LMOD3: variants seen among roughly 807,000 people sequenced by gnomAD.
LMOD3 encodes the protein leiomodin 3, also known as leiomodin-3.
A neutral mutation model predicts 41.8 loss-of-function variants in LMOD3; 31 were observed. The observed-to-expected ratio is 0.74, with a 90% CI of 0.56 to 1.00. The LOEUF (loss-of-function observed/expected upper bound fraction) is 1.00. LMOD3 is among the 50% of genes least tolerant of loss of function. The pLI, the probability that LMOD3 is intolerant of heterozygous loss-of-function variation, is 0.00. For synonymous variants in LMOD3, 292 were observed against 241.9 expected (o/e 1.21, Z -1.92); for missense variants, 755 against 679.5 (o/e 1.11, Z -1.23).
intron 1 of LMOD3, 61 bp downstream of exon 1, chr3:69,122,032 G>A (rs1202947131): frequency 3.6e-6 from 5 of 1,374,086 alleles, no homozygotes; most frequent in Non-Finnish European, 5.0e-6. Context: ...AGTTACAACA[G>A]AGAGACCTAA....
In LMOD3 at chr3:69,109,090, G is replaced by A. The variant is rs1305895031; in HGVS notation, c.*5C>T. 1.3e-6 allele frequency: 2 copies of A among 1,598,570 alleles called. No homozygotes were observed. The highest frequency in any genetic ancestry group is 1.3e-5 in the African/African-American group (1 of 74,858). On this transcript the variant is annotated 3_prime_UTR_variant, in exon 3 of 3. Transcript: ENST00000420581. ...TCTTGTTCTTCTAGATGGCTCTGTT[G>A]CCTCTTACGCCAGTTCTTTTGGCAG...
chr3:69,115,518 A>ACACAC (rs60726229), intron 2 of LMOD3, among the ~76,000 whole-genome samples: 1 of 150,744 alleles, frequency 6.6e-6, no homozygotes, highest in South Asian at 2.1e-4. Flanking sequence ...ACACACACAC[A>ACACAC]AAACTTTTCT....
rs116440123 is a variant in LMOD3 at position 69,118,862 on chromosome 3, C to T, written c.1493G>A (p.Arg498Gln). The change falls in exon 2 of 3, where the codon CGG (arginine) becomes CAG (glutamine). Residue 498 changes from arginine to glutamine, a missense_variant. Transcript: ENST00000420581. Reference protein sequence around the residue: ...VKLKRIQRKSRMPEAREPPEK... With the variant: ...VKLKRIQRKSQMPEAREPPEK... ...GGGTGGTTCTCTGGCTTCCGGCATCCGAGATTTGCGCTGGATTCTCTTCAG... is the reference window on the plus strand; with the variant it reads ...GGGTGGTTCTCTGGCTTCCGGCATCTGAGATTTGCGCTGGATTCTCTTCAG... 1,449 of 1,610,134 alleles carry T rather than the reference C, an allele frequency of 9.0e-4. 17 individuals carry two copies. In the African/African-American group the frequency reaches 0.016, roughly 18 times the overall value.
In LMOD3 at chr3:69,106,370, C is replaced by G. The variant is rs2092322711; in HGVS notation, c.*2725G>C. ...GGAGAAACTAATAAAAAAAAAGATACCTGTAATTACTAATGGCCAGTAGTC... is the reference window on the plus strand; with the variant it reads ...GGAGAAACTAATAAAAAAAAAGATAGCTGTAATTACTAATGGCCAGTAGTC... On this transcript the variant is annotated 3_prime_UTR_variant, in exon 3 of 3. Transcript: ENST00000420581. 6.6e-6 allele frequency among the ~76,000 whole-genome samples: 1 copy of G among 152,012 alleles called. No homozygotes were observed. The highest frequency in any genetic ancestry group is 1.5e-5 in the Non-Finnish European group (1 of 67,996).
intron 2 of LMOD3, among the ~76,000 whole-genome samples, chr3:69,111,378 G>T (rs939214917): frequency 2.6e-5 from 4 of 152,142 alleles, no homozygotes; most frequent in African/African-American, 9.7e-5. Context: ...CACCCTGCAG[G>T]GCTCTCCCAT....
At chr3:69,112,643 A>C (rs1285746752) in intron 2 of LMOD3, among the ~76,000 whole-genome samples, 1 of 152,234 alleles carries the variant, frequency 6.6e-6, no homozygotes, top group Non-Finnish European at 1.5e-5. Flanking sequence ...AGAGGCAAGA[A>C]AGCAAGGCCC....
rs1332897476 is a variant in LMOD3 at position 69,106,858 on chromosome 3, G to GTTTTTT, written c.*2236_*2237insAAAAAA. On this transcript the variant is annotated 3_prime_UTR_variant, in exon 3 of 3. Coordinates refer to ENST00000420581, the MANE Select transcript of LMOD3 (RefSeq NM_198271.5). Reference sequence around the variant, plus strand: ...TGAGCTACCATGCCTGGCTAATTTTGTATTTTTTTTTTTTTTTTTTTTTTT... The same window carrying GTTTTTT: ...TGAGCTACCATGCCTGGCTAATTTTGTTTTTTTATTTTTTTTTTTTTTTTTTTTTTT... The GTTTTTT allele has an allele frequency of 1.2e-5, 1 of 81,080 alleles. No homozygotes were observed. Among genetic ancestry groups the GTTTTTT allele is most frequent in the African/African-American group, 5.9e-5 (1 of 16,922 alleles). 5.0% of individuals were successfully genotyped at this position (81,080 alleles called of 1,614,324 possible). A position where few individuals can be genotyped will look rare whatever the true frequency, so the allele number is the denominator to read the frequency against.
Position 69,109,592 on chromosome 3 carries a change from A to G in LMOD3, c.1657-471T>C, listed in dbSNP as rs151264075. ...TTCCAGGCTGGAGTGCAGTGACACC[A>G]TCTTGGCTCACTGCAACCTCCAACT... On this transcript the variant is annotated intron_variant, in intron 2 of 2. Transcript: ENST00000420581. Among the ~76,000 whole-genome samples, 567 of 133,336 alleles carry G rather than the reference A, an allele frequency of 4.3e-3. 5 individuals are homozygous for G. Among genetic ancestry groups the G allele is most frequent in the African/African-American group, 0.016 (541 of 33,860 alleles). 87.5% of individuals were successfully genotyped at this position (133,336 alleles called of 152,430 possible).
rs560994239 is a variant in LMOD3 at position 69,119,715 on chromosome 3, A to C, written c.640T>G (p.Ser214Ala). 1.3e-5 allele frequency: 21 copies of C among 1,613,810 alleles called. No individual in the cohort carries two copies. The African/African-American group carries it at 2.0e-4, about 15-fold the overall frequency. The change falls in exon 2 of 3, where the codon TCG becomes GCG. Residue 214 changes from serine (S) to alanine (A), a missense_variant. By Grantham distance (99) the Ser-to-Ala change is moderately conservative. Transcript: ENST00000420581. ...GCTAACTTCTTAGGATCTAATTTCG[A>C]TATTTTTTTCTCACTTTGTTCTTGG... ...EAQEQSEKKI[S>A]KLDPKKLALD...
At position 69,119,945 on chromosome 3, in the gene LMOD3, C is replaced by A. The variant is rs1452040409; in HGVS notation, c.410G>T (p.Ser137Ile). 1 of 1,568,486 alleles carries A rather than the reference C, an allele frequency of 6.4e-7. No individual in the cohort carries two copies. Among genetic ancestry groups the A allele is most frequent in the Non-Finnish European group, 8.7e-7 (1 of 1,154,736 alleles). Residue 137 changes from serine (S) to isoleucine (I), a missense_variant, in exon 2 of 3, where the codon AGC (serine) becomes ATC (isoleucine). By Grantham distance (142) the Ser-to-Ile change is moderately radical. Coordinates refer to ENST00000420581, the MANE Select transcript of LMOD3 (RefSeq NM_198271.5). ...TTCATCTGTTTCTTGGATATTGCTG[C>A]TGCCCTTTGATTCTCTTTTATTTGC... is the stretch of plus-strand genomic sequence containing the variant. ...IVANKRESKG[S>I]SNIQETDEED...
rs2092396445 is a variant in LMOD3 at position 69,119,556 on chromosome 3, G to T, written c.799C>A (p.Pro267Thr). The T allele has an allele frequency of 1.9e-6, 3 of 1,613,606 alleles. No homozygotes were observed. Among genetic ancestry groups the T allele is most frequent in the African/African-American group, 1.3e-5 (1 of 74,882 alleles). Reference sequence around the variant, plus strand: ...ACAAAGTCCAGTAACATTTCTTTGGGGATGTTTTCAATGTTGTTCAGGTTG... The same window carrying T: ...ACAAAGTCCAGTAACATTTCTTTGGTGATGTTTTCAATGTTGTTCAGGTTG... ...ELNLNNIENI[P>T]KEMLLDFVNA... Residue 267 changes from proline to threonine, a missense_variant, in exon 2 of 3, where the codon CCC (proline) becomes ACC (threonine). Coordinates refer to ENST00000420581, the MANE Select transcript of LMOD3 (RefSeq NM_198271.5).
rs773658964 is a variant in LMOD3 at position 69,118,973 on chromosome 3, G to A, written c.1382C>T (p.Pro461Leu). Residue 461 changes from proline (P) to leucine (L), a missense_variant, in exon 2 of 3, where the codon CCC (proline) becomes CTC (leucine). Pro to Leu is a moderately conservative substitution (Grantham distance 98). Transcript: ENST00000420581. ...PPRPPNPQNV[P>L]FSQRSEMMKK... ...CATCATTTCACTGCGTTGACTAAAG[G>A]GGACATTTTGGGGGTTGGGAGGCCG... The A allele has an allele frequency of 6.2e-6, 10 of 1,613,258 alleles. No individual in the cohort carries two copies. Among genetic ancestry groups the A allele is most frequent in the East Asian group, 2.2e-5 (1 of 44,848 alleles).
chr3:69,112,245 C>T (rs1322773817), intron 2 of LMOD3, among the ~76,000 whole-genome samples: 3 of 152,170 alleles, frequency 2.0e-5, no homozygotes, highest in Non-Finnish European at 2.9e-5. Flanking sequence ...TGCACACATA[C>T]GCATACACTC....
At chr3:69,114,861 G>C (rs1186476025) in intron 2 of LMOD3, among the ~76,000 whole-genome samples, 2 of 150,768 alleles carry the variant, frequency 1.3e-5, no homozygotes, top group African/African-American at 4.9e-5. Context: ...AAATCTATAA[G>C]GAAAATAACT....
intron 2 of LMOD3, among the ~76,000 whole-genome samples, chr3:69,111,920 TCTA>T (rs554832352): frequency 1.3e-3 from 202 of 152,362 alleles, no homozygotes; most frequent in Non-Finnish European, 2.3e-3. Context: ...CTTCTTGCTT[TCTA>T]CTGACTTTAA....
At chr3:69,112,314 G>C (rs895061698) in intron 2 of LMOD3, among the ~76,000 whole-genome samples, 2 of 152,214 alleles carry the variant, frequency 1.3e-5, no homozygotes, top group African/African-American at 2.4e-5. Flanking sequence ...ATTTAATTTG[G>C]TCTACCTGTA....
intron 2 of LMOD3, among the ~76,000 whole-genome samples, chr3:69,110,746 G>A (rs1310914151): frequency 1.8e-4 from 27 of 146,758 alleles, no homozygotes; most frequent in African/African-American, 6.8e-4. Context: ...AGGGAGCTGA[G>A]GCAGGAGAAT....
rs764920392 is a variant in LMOD3, at chr3:69,115,519, A to ACACACAC, written c.1656+3179_1656+3180insGTGTGTG. ...ACACACACACACACACACACACACAAAACTTTTCTAAGAAAAAAATTTGTT... is the reference window on the plus strand; with the variant it reads ...ACACACACACACACACACACACACAACACACACAACTTTTCTAAGAAAAAAATTTGTT... On this transcript the variant is annotated intron_variant, in intron 2 of 2. Transcript: ENST00000420581. Among the ~76,000 whole-genome samples the ACACACAC allele has an allele frequency of 1.6e-3, 225 of 143,436 alleles. 1 individual carries two copies. The highest frequency in any genetic ancestry group is 0.015 in the South Asian group (69 of 4,520). 94.1% of individuals were successfully genotyped at this position (143,436 alleles called of 152,430 possible). A position where few individuals can be genotyped will look rare whatever the true frequency, so the allele number is the denominator to read the frequency against.
chr3:69,110,618 G>A (rs1181536264), intron 2 of LMOD3, among the ~76,000 whole-genome samples: 3 of 148,940 alleles, frequency 2.0e-5, no homozygotes, highest in East Asian at 2.1e-4. Context: ...CGAGGTGGGC[G>A]GTTCTCCTGA....
Sources: gnomAD v4.1 joint callset for allele counts (sites outside exome capture counted in the v4.1 genomes callset) on GRCh38, gnomAD v4.1.1 for gene constraint, MANE v1.5 for transcripts, NCBI Gene and HGNC (gene_info 2026-07-23, HGNC 2026-07-21) for gene names.